The following SOS1 variants were observed in gnomAD, a reference collection of about 807,000 sequenced individuals.
SOS1 encodes the protein SOS Ras/Rac guanine nucleotide exchange factor 1, also known as son of sevenless homolog 1.
In SOS1, 25 loss-of-function variants were observed where a neutral mutation model predicts 157.6. That is an observed-to-expected ratio of 0.16 (90% confidence interval 0.12 to 0.22). SOS1 has a LOEUF of 0.22. Ranked by LOEUF, SOS1 falls within the 10% of genes least tolerant of loss-of-function variation. SOS1 has a pLI of 1.00. For missense variants in SOS1, 1,237 were observed against 1,599.1 expected, an observed-to-expected ratio of 0.77 and a Z score of 3.86; for synonymous variants, 528 against 534.0, an observed-to-expected ratio of 0.99 and a Z score of 0.16.
At chr2:39,106,262 T>C (rs1218646057) in intron 1 of SOS1, among the ~76,000 whole-genome samples, 1 of 151,570 alleles carries the variant, frequency 6.6e-6, no homozygotes, top group African/African-American at 2.4e-5. Context: ...CAAGTAATCT[T>C]CCTGTTACAG....
intron 1 of SOS1, among the ~76,000 whole-genome samples, chr2:39,099,766 G>C (rs895635458): frequency 1.3e-5 from 2 of 152,128 alleles, no homozygotes; most frequent in Admixed American, 6.5e-5. Flanking sequence ...TGGAGACAGA[G>C]TCTCACTCTG....
intron 2 of SOS1, among the ~76,000 whole-genome samples, chr2:39,061,911 TA>T: frequency 6.6e-6 from 1 of 152,066 alleles, no homozygotes; most frequent in Non-Finnish European, 1.5e-5. Flanking sequence ...CTCCTTTACA[TA>T]ATAAATAGGT....
At position 38,997,036 on chromosome 2, in the gene SOS1, C is replaced by A; in HGVS notation, c.2967G>T (p.Arg989Ser). Residue 989 changes from arginine (R) to serine (S), a missense_variant and splice_region_variant, in exon 19 of 23, where the codon AGG (arginine) becomes AGT (serine). Physicochemically the swap from Arg to Ser is moderately radical, Grantham distance 110. Coordinates refer to ENST00000402219, the MANE Select transcript of SOS1 (RefSeq NM_005633.4). ...YCLRVESDIKRFFENLNPMGN... is the reference protein window; with the variant it reads ...YCLRVESDIKSFFENLNPMGN... ...CCATCGGATTCAAGTTTTCAAAGAA[C>A]CTCTAAAATAAATGCAAAGAAAAAA... 3 of 1,494,472 alleles carry A rather than the reference C, an allele frequency of 2.0e-6. No homozygotes were observed. Among genetic ancestry groups the A allele is most frequent in the East Asian group, 2.3e-5 (1 of 44,020 alleles). The allele number at this position is 1,494,472 out of a possible 1,614,324, so 92.6% of individuals were successfully genotyped here.
chr2:39,046,344 A>G (rs1670782710), intron 6 of SOS1, among the ~76,000 whole-genome samples: 1 of 152,108 alleles, frequency 6.6e-6, no homozygotes, highest in African/African-American at 2.4e-5. Flanking sequence ...CACTTTACAT[A>G]CTGTATATTT....
chr2:39,079,062 C>CAAA (rs10608351), intron 1 of SOS1, among the ~76,000 whole-genome samples: 3 of 39,994 alleles, frequency 7.5e-5, no homozygotes, highest in Non-Finnish European at 8.2e-5. Flanking sequence ...CTCTGTCTCC[C>CAAA]AAAAAAAAAA....
intron 1 of SOS1, among the ~76,000 whole-genome samples, chr2:39,092,276 T>G (rs2148189902): frequency 6.6e-6 from 1 of 152,306 alleles, no homozygotes. Flanking sequence ...CATGGCTCAC[T>G]GCACATACTG....
In SOS1 at chr2:38,987,514, T is replaced by C; in HGVS notation, c.3469A>G (p.Arg1157Gly). 1.2e-6 allele frequency: 2 copies of C among 1,604,338 alleles called. No homozygotes were observed. The highest frequency in any genetic ancestry group is 1.7e-6 in the Non-Finnish European group (2 of 1,173,218). Residue 1157 changes from arginine to glycine, a missense_variant, in exon 22 of 23, where the codon AGA becomes GGA. Transcript: ENST00000402219. ...VPVPPPVPPR[R>G]RPESAPAESS... ...TCTGCTGGGGCAGATTCTGGTCGTCTTCGTGGAGGAACAGGAGGAGGGACA... is the reference window on the plus strand; with the variant it reads ...TCTGCTGGGGCAGATTCTGGTCGTCCTCGTGGAGGAACAGGAGGAGGGACA...
intron 2 of SOS1, among the ~76,000 whole-genome samples, chr2:39,062,430 A>T (rs13405402): frequency 9.4e-5 from 12 of 127,470 alleles, no homozygotes; most frequent in African/African-American, 5.4e-4. Context: ...AATAAAAAAA[A>T]AAATTAAAAA....
chr2:39,024,192 T>G, intron 8 of SOS1, 55 bp from the exon 9 acceptor site: 1 of 1,403,478 alleles, frequency 7.1e-7, no homozygotes, highest in Admixed American at 1.7e-5. Context: ...GATAAAATAA[T>G]AATAAACTCA....
chr2:39,080,767 T>G (rs1672173021), intron 1 of SOS1, among the ~76,000 whole-genome samples: 1 of 152,138 alleles, frequency 6.6e-6, no homozygotes, highest in Non-Finnish European at 1.5e-5. Flanking sequence ...TTTTTTGCAC[T>G]GATAGCCTAG....
intron 1 of SOS1, among the ~76,000 whole-genome samples, chr2:39,081,382 T>C (rs1672196323): frequency 1.3e-5 from 2 of 151,090 alleles, no homozygotes; most frequent in South Asian, 4.2e-4. Context: ...TAGCCGGCCA[T>C]GGCAATGTGC....
At chr2:39,016,323 G>A (rs1317050708) in intron 10 of SOS1, among the ~76,000 whole-genome samples, 1 of 152,030 alleles carries the variant, frequency 6.6e-6, no homozygotes, top group East Asian at 1.9e-4. Flanking sequence ...AGGCTAGAGT[G>A]GGTTACTGAT....
At position 39,045,825 on chromosome 2, in the gene SOS1, T is replaced by C. The variant is rs1210235168; in HGVS notation, c.864+5319A>G. Among the ~76,000 whole-genome samples, 3 of 152,124 alleles carry C rather than the reference T, an allele frequency of 2.0e-5. No homozygotes were observed. The East Asian group carries it at 5.8e-4, about 29-fold the overall frequency. ...CTGGCTTCAAGAAATTCTCCTGCCTTAGACTCCTGTGTATCTGGGATTACA... is the reference window on the plus strand; with the variant it reads ...CTGGCTTCAAGAAATTCTCCTGCCTCAGACTCCTGTGTATCTGGGATTACA... On this transcript the variant is annotated intron_variant, in intron 6 of 22. Coordinates refer to ENST00000402219, the MANE Select transcript of SOS1 (RefSeq NM_005633.4).
chr2:39,025,533 T>TA (rs1669930557), intron 8 of SOS1, among the ~76,000 whole-genome samples: 1 of 150,972 alleles, frequency 6.6e-6, no homozygotes, highest in African/African-American at 2.4e-5. Context: ...TTTTTTTTTT[T>TA]ACTTCTAGTA....
intron 10 of SOS1, among the ~76,000 whole-genome samples, chr2:39,016,111 C>A (rs563192177): frequency 2.6e-5 from 4 of 151,918 alleles, no homozygotes; most frequent in Non-Finnish European, 4.4e-5. Flanking sequence ...TTTATAATAG[C>A]TTTTTCCCCA....
intron 10 of SOS1, among the ~76,000 whole-genome samples, chr2:39,017,857 A>G (rs947557838): frequency 2.6e-5 from 4 of 151,980 alleles, no homozygotes; most frequent in African/African-American, 9.7e-5. Context: ...TCTCCATTTC[A>G]ATGACTGTAA....
chr2:39,111,605 T>C (rs1230963055), intron 1 of SOS1, among the ~76,000 whole-genome samples: 1 of 152,128 alleles, frequency 6.6e-6, no homozygotes, highest in Non-Finnish European at 1.5e-5. Flanking sequence ...GAATACAGTC[T>C]CCCTCTCTGC....
rs779575551 is a variant in SOS1 at position 39,035,171 on chromosome 2, C to T, written c.1074+41G>A. On this transcript the variant is annotated intron_variant, in intron 8 of 22. Coordinates refer to ENST00000402219, the MANE Select transcript of SOS1 (RefSeq NM_005633.4). ...ATGAAGTAGCAAAAAAAAAAATTCA[C>T]ACTTGAATATGTTACAAATAACAAT... 1.2e-5 allele frequency: 17 copies of T among 1,384,792 alleles called. No homozygotes were observed. The Admixed American group carries it at 1.4e-4, about 12-fold the overall frequency. The allele number at this position is 1,384,792 out of a possible 1,614,324, so 85.8% of individuals were successfully genotyped here.
intron 1 of SOS1, chr2:39,098,320 C>T: frequency 3.9e-6 from 1 of 256,364 alleles, no homozygotes; most frequent in South Asian, 5.4e-5. Flanking sequence ...TCTACTGTTG[C>T]TTACAATACT....
Sources: gnomAD v4.1 joint callset for allele counts (sites outside exome capture counted in the v4.1 genomes callset) on GRCh38, gnomAD v4.1.1 for gene constraint, MANE v1.5 for transcripts, NCBI Gene and HGNC (gene_info 2026-07-23, HGNC 2026-07-21) for gene names.